The following UBE2V2 variants were observed in gnomAD, a reference collection of about 807,000 sequenced individuals.
The protein encoded by UBE2V2 is ubiquitin-conjugating enzyme E2 variant 2.
A neutral mutation model predicts 17.2 loss-of-function variants in UBE2V2; 9 were observed. That is an observed-to-expected ratio of 0.52 (90% confidence interval 0.32 to 0.91). The LOEUF (loss-of-function observed/expected upper bound fraction) is 0.91. Ranked by LOEUF, UBE2V2 falls within the 40% of genes least tolerant of loss-of-function variation. UBE2V2 has a pLI of 0.04. For missense variants in UBE2V2, 133 were observed against 182.6 expected (o/e 0.73, Z 1.56); for synonymous variants, 61 against 57.5 (o/e 1.06, Z -0.28).
intron 2 of UBE2V2, among the ~76,000 whole-genome samples, chr8:48,044,264 G>A (rs1009196587): frequency 6.6e-6 from 1 of 152,052 alleles, no homozygotes; most frequent in African/African-American, 2.4e-5. Flanking sequence ...GGGCTCAAGC[G>A]ATCCTTCCAC....
the UBE2V2 span, among the ~76,000 whole-genome samples, chr8:48,002,213 G>A: frequency 6.6e-6 from 1 of 152,160 alleles, no homozygotes; most frequent in Non-Finnish European, 1.5e-5. Flanking sequence ...TCCCACACTT[G>A]ATCTTTGGGG....
At chr8:48,014,253 A>AGTCTT (rs1378785835) in intron 1 of UBE2V2, among the ~76,000 whole-genome samples, 8 of 152,178 alleles carry the variant, frequency 5.3e-5, no homozygotes, top group African/African-American at 1.9e-4. Flanking sequence ...ATGGCCATGC[A>AGTCTT]AAAAACTACC....
chr8:48,050,453 A>T (rs1322875721), intron 3 of UBE2V2: 1 of 151,670 alleles, frequency 6.6e-6, no homozygotes, highest in East Asian at 1.9e-4. Context: ...CTGGTCTCGA[A>T]CTCCTGACCT....
intron 1 of UBE2V2, among the ~76,000 whole-genome samples, chr8:48,021,495 A>G (rs1317180006): frequency 6.6e-6 from 1 of 150,958 alleles, no homozygotes; most frequent in East Asian, 2.0e-4. Flanking sequence ...TTTAGTAGAG[A>G]TGGGGTTTCA....
chr8:48,031,103 G>A (rs750458362), intron 1 of UBE2V2, among the ~76,000 whole-genome samples: 6 of 151,934 alleles, frequency 3.9e-5, no homozygotes, highest in East Asian at 1.9e-4. Flanking sequence ...CAGCTACTTC[G>A]GAGGCTGAGC....
intron 2 of UBE2V2, among the ~76,000 whole-genome samples, chr8:48,044,140 C>CTCGT (rs1450928474): frequency 6.6e-6 from 1 of 151,942 alleles, no homozygotes; most frequent in Non-Finnish European, 1.5e-5. Flanking sequence ...TTTAGAGTTC[C>CTCGT]TCCTGATGAT....
intron 2 of UBE2V2, among the ~76,000 whole-genome samples, chr8:48,048,134 C>T (rs1024287577): frequency 6.6e-6 from 1 of 151,962 alleles, no homozygotes; most frequent in Non-Finnish European, 1.5e-5. Flanking sequence ...TTCCAGAAAG[C>T]TCCCTTTGCG....
chr8:48,043,363 G>C (rs888255499), intron 2 of UBE2V2, 182 bp downstream of exon 2: 44 of 461,544 alleles, frequency 9.5e-5, no homozygotes, highest in African/African-American at 7.2e-4. Flanking sequence ...GTAGAGGATT[G>C]GGGGGAGGAA....
intron 1 of UBE2V2, among the ~76,000 whole-genome samples, chr8:48,014,429 G>T (rs564955814): frequency 5.3e-5 from 8 of 150,686 alleles, no homozygotes; most frequent in Non-Finnish European, 1.0e-4. Context: ...CGGATCACGA[G>T]GTCAGGAGAT....
chr8:48,044,408 C>T (rs1465721780), intron 2 of UBE2V2, among the ~76,000 whole-genome samples: 1 of 152,184 alleles, frequency 6.6e-6, no homozygotes, highest in Non-Finnish European at 1.5e-5. Flanking sequence ...CTTGGCCTCC[C>T]AAAATGCTGG....
chr8:48,025,273 CT>C (rs1225705153), intron 1 of UBE2V2, among the ~76,000 whole-genome samples: 130 of 133,758 alleles, frequency 9.7e-4, no homozygotes, highest in Admixed American at 1.6e-3. Flanking sequence ...CTTTTCTTTT[CT>C]TTTTTTTTTT....
chr8:48,035,657 G>C (rs1441946548), intron 1 of UBE2V2, among the ~76,000 whole-genome samples: 30 of 130,850 alleles, frequency 2.3e-4, no homozygotes, highest in African/African-American at 9.0e-4. Flanking sequence ...GTGTGTGTGT[G>C]TGTATATGTA....
At chr8:48,035,705 C>A (rs1325438589) in intron 1 of UBE2V2, among the ~76,000 whole-genome samples, 2 of 37,124 alleles carry the variant, frequency 5.4e-5, no homozygotes, top group East Asian at 1.3e-3. Context: ...TGAGACTGGG[C>A]CCGGGTTCAA....
chr8:48,032,478 G>A (rs1266539051), intron 1 of UBE2V2, among the ~76,000 whole-genome samples: 4 of 152,138 alleles, frequency 2.6e-5, no homozygotes, highest in Middle Eastern at 3.4e-3. Flanking sequence ...GTGTAGCTGG[G>A]CATGGGGCTC....
intron 1 of UBE2V2, among the ~76,000 whole-genome samples, chr8:48,040,844 G>GTTTTTTTTTTTTTTT (rs71225699): frequency 4.0e-5 from 3 of 74,130 alleles, no homozygotes; most frequent in Non-Finnish European, 7.1e-5. Flanking sequence ...GCCAGGCTGG[G>GTTTTTTTTTTTTTTT]TTTTTTTTTT....
At chr8:48,039,031 C>T (rs534209722) in intron 1 of UBE2V2, among the ~76,000 whole-genome samples, 3 of 150,058 alleles carry the variant, frequency 2.0e-5, no homozygotes, top group African/African-American at 4.9e-5. Flanking sequence ...TGGGTTCATG[C>T]GATTCTCCTG....
At position 48,043,038 on chromosome 8, in the gene UBE2V2, A is replaced by C; in HGVS notation, c.22A>C (p.Lys8Gln). The C allele has an allele frequency of 6.4e-7, 1 of 1,560,736 alleles. No homozygotes were observed. The highest frequency in any genetic ancestry group is 8.7e-7 in the Non-Finnish European group (1 of 1,151,176). Residue 8 changes from lysine to glutamine, a missense_variant, in exon 2 of 4, where the codon AAA (lysine) becomes CAA (glutamine). Physicochemically the swap from Lys to Gln is moderately conservative, Grantham distance 53. This residue lies in a region of UBE2V2 where 27 missense variants were observed against 20.1 expected (regional missense o/e 1.34). Coordinates refer to ENST00000523111, the MANE Select transcript of UBE2V2 (RefSeq NM_003350.3). ...ACTGACGTTCTTTTGTATAGGAGTTAAAGTTCCTCGTAATTTTCGCTTGTT... is the reference window on the plus strand; with the variant it reads ...ACTGACGTTCTTTTGTATAGGAGTTCAAGTTCCTCGTAATTTTCGCTTGTT... MAVSTGV[K>Q]VPRNFRLLEE... is the part of the protein sequence containing the mutation.
In UBE2V2 at chr8:48,062,765, A is replaced by T. The variant is rs1802615081; in HGVS notation, c.*1937A>T. 6.6e-6 allele frequency: 1 copy of T among 152,216 alleles called. No homozygotes were observed. Among genetic ancestry groups the T allele is most frequent in the Non-Finnish European group, 1.5e-5 (1 of 68,026 alleles). The allele number at this position is 152,216 out of a possible 1,614,324, so 9.4% of individuals were successfully genotyped here. A position where few individuals can be genotyped will look rare whatever the true frequency, so the allele number is the denominator to read the frequency against. ...CAATAAAGTCACTGACAGTTTATGT[A>T]AACATTAATTTCAACATGGCTGTTG... is the stretch of plus-strand genomic sequence containing the variant. On this transcript the variant is annotated 3_prime_UTR_variant, in exon 4 of 4. Transcript: ENST00000523111.
chr8:48,035,631 T>TG (rs1554657540), intron 1 of UBE2V2, among the ~76,000 whole-genome samples: 1,603 of 109,530 alleles, frequency 0.015, 33 homozygotes, highest in South Asian at 0.046. Flanking sequence ...TTTTTTTTTT[T>TG]TGTGTGTGTG....
Sources: allele counts gnomAD v4.1 joint callset (sites outside exome capture counted in the v4.1 genomes callset), GRCh38; gene constraint gnomAD v4.1.1; regional missense constraint gnomAD v4.1.1; transcripts MANE v1.5; gene names NCBI Gene and HGNC (gene_info 2026-07-23, HGNC 2026-07-21).